UGT1A6: variants seen among roughly 807,000 people sequenced by gnomAD.
UGT1A6 encodes the protein UDP-glucuronosyltransferase 1A6.
UGT1A6 carries 32 observed loss-of-function variants against 44.4 expected under a neutral mutation model. The observed-to-expected ratio is 0.72, with a 90% confidence interval of 0.54 to 0.97. The LOEUF is 0.97. UGT1A6 is among the 50% of genes least tolerant of loss of function. The pLI is 0.00. For missense variants in UGT1A6, 685 were observed against 661.9 expected (o/e 1.03, Z -0.38); for synonymous variants, 238 against 248.5 (o/e 0.96, Z 0.40).
At chr2:233,700,616 G>A (rs998410920) in intron 1 of UGT1A6, among the ~76,000 whole-genome samples, 7 of 151,898 alleles carry the variant, frequency 4.6e-5, no homozygotes, top group Non-Finnish European at 8.8e-5. Flanking sequence ...TTTTGGGGGG[G>A]TTCCAGTAAG....
intron 1 of UGT1A6, among the ~76,000 whole-genome samples, chr2:233,717,359 G>A (rs1445197298): frequency 6.6e-6 from 1 of 152,216 alleles, no homozygotes; most frequent in Non-Finnish European, 1.5e-5. Flanking sequence ...CCCCTGGGGA[G>A]TTCTCAAGCC....
At chr2:233,719,800 G>A (rs528409094) in intron 1 of UGT1A6, 47 of 1,602,562 alleles carry the variant, frequency 2.9e-5, no homozygotes, top group South Asian at 6.7e-5. Flanking sequence ...TTTTATTTTG[G>A]CTTCTTTATA....
chr2:233,732,182 G>A (rs1190810291), intron 1 of UGT1A6, among the ~76,000 whole-genome samples: 1 of 152,108 alleles, frequency 6.6e-6, no homozygotes, highest in Non-Finnish European at 1.5e-5. Flanking sequence ...TGTAGATTCT[G>A]GATATTAGCC....
intron 1 of UGT1A6, chr2:233,743,554 A>G: frequency 7.3e-7 from 1 of 1,367,106 alleles, no homozygotes; most frequent in East Asian, 4.6e-5. Flanking sequence ...CCCCCAAAAT[A>G]TTCTCCAGCG....
chr2:233,765,010 C>G (rs940800648), intron 1 of UGT1A6, among the ~76,000 whole-genome samples: 10 of 152,056 alleles, frequency 6.6e-5, no homozygotes, highest in Non-Finnish European at 1.2e-4. Context: ...TGTTCCAAAT[C>G]AGGCTTGGCA....
rs1159047004 is a variant in UGT1A6, at chr2:233,755,329, C to T, written c.862-11705C>T. ...CAGCGAGCGGCAAGGCTGCCAGCAC[C>T]CGCGCACAGGTCAGAGGCTTGGCGA... On this transcript the variant is annotated intron_variant, in intron 1 of 4. Coordinates refer to ENST00000305139, the MANE Select transcript of UGT1A6 (RefSeq NM_001072.4). The T allele has an allele frequency of 1.7e-5, 8 of 468,526 alleles. No individual in the cohort carries two copies. The Admixed American group carries it at 2.8e-4, about 16-fold the overall frequency. 29.0% of individuals were successfully genotyped at this position (468,526 alleles called of 1,614,324 possible).
At position 233,769,882 on chromosome 2, in the gene UGT1A6, TC is replaced by T; in HGVS notation, c.1301+1445del. On this transcript the variant is annotated intron_variant, in intron 4 of 4. Transcript: ENST00000305139. This position sits in a 1 kb window ranked among gnomAD's most constrained non-coding sequence, Gnocchi z 4.4. The stretch of plus-strand genomic sequence containing the variant: ...CAAAAAAAAAAAAAAAAATGAAAAG[TC>T]CACATAACCTGAGCATCATGTGCCC... 1 of 408,610 alleles carries T rather than the reference TC, an allele frequency of 2.4e-6. No homozygotes were observed. Among genetic ancestry groups the T allele is most frequent in the Non-Finnish European group, 4.3e-6 (1 of 234,370 alleles). 25.3% of individuals were successfully genotyped at this position (408,610 alleles called of 1,614,324 possible).
intron 1 of UGT1A6, among the ~76,000 whole-genome samples, chr2:233,758,923 C>T (rs1697018666): frequency 6.6e-6 from 1 of 152,192 alleles, no homozygotes; most frequent in Non-Finnish European, 1.5e-5. Context: ...TCATCTTTCC[C>T]TTTTGACTTC....
chr2:233,760,594 G>T, intron 1 of UGT1A6: 1 of 1,614,198 alleles, frequency 6.2e-7, no homozygotes, highest in Non-Finnish European at 8.5e-7. Context: ...TTTTGAGAAT[G>T]ATTCTTTCCT....
chr2:233,717,717 G>A (rs1199377056), intron 1 of UGT1A6: 3 of 454,162 alleles, frequency 6.6e-6, no homozygotes, highest in Non-Finnish European at 1.3e-5. Flanking sequence ...AGCCTCATGG[G>A]CATGAGACCA....
At chr2:233,747,669 C>T in intron 1 of UGT1A6, 1 of 1,603,504 alleles carries the variant, frequency 6.2e-7, no homozygotes, top group South Asian at 1.1e-5. Flanking sequence ...TTTAATAGAC[C>T]CAATTTACCT....
Position 233,743,631 on chromosome 2 carries a change from G to T in UGT1A6, c.862-23403G>T, listed in dbSNP as rs1346320649. Reference sequence around the variant, plus strand: ...AAGAACTCCCTGAAGACGTCGGCTGGGTCGCGGAAGCTGAAGACGTACTCG... The same window carrying T: ...AAGAACTCCCTGAAGACGTCGGCTGTGTCGCGGAAGCTGAAGACGTACTCG... On this transcript the variant is annotated intron_variant, in intron 1 of 4. Transcript: ENST00000305139. The T allele has an allele frequency of 2.2e-6, 3 of 1,367,310 alleles. No homozygotes were observed. The East Asian group carries it at 1.4e-4, about 62-fold the overall frequency. 84.7% of individuals were successfully genotyped at this position (1,367,310 alleles called of 1,614,324 possible).
intron 1 of UGT1A6, chr2:233,719,680 T>C: frequency 1.2e-6 from 2 of 1,614,092 alleles, no homozygotes; most frequent in Non-Finnish European, 1.7e-6. Flanking sequence ...GGGAAGCCAC[T>C]ATCTCAGGTC....
chr2:233,692,059 G>A (rs2075075325), upstream of UGT1A6: 1 of 152,180 alleles, frequency 6.6e-6, no homozygotes, highest in Non-Finnish European at 1.5e-5. Context: ...CGATTAGAGG[G>A]AAGAAAGGAG....
At chr2:233,711,308 T>C (rs1455786140) in intron 1 of UGT1A6, among the ~76,000 whole-genome samples, 1 of 152,192 alleles carries the variant, frequency 6.6e-6, no homozygotes, top group Non-Finnish European at 1.5e-5. Flanking sequence ...TTAGATGACA[T>C]TGGTGTCTAA....
At chr2:233,749,248 AT>A (rs1216234192) in intron 1 of UGT1A6, among the ~76,000 whole-genome samples, 1 of 151,808 alleles carries the variant, frequency 6.6e-6, no homozygotes, top group Admixed American at 6.6e-5. Flanking sequence ...AAACCACATG[AT>A]TTTTTTATTG....
intron 1 of UGT1A6, among the ~76,000 whole-genome samples, chr2:233,711,058 A>G (rs1484955286): frequency 6.6e-6 from 1 of 152,152 alleles, no homozygotes; most frequent in African/African-American, 2.4e-5. Context: ...CATGGCTTCA[A>G]TCACCACTTA....
chr2:233,765,623 G>A (rs1698893578), intron 1 of UGT1A6, among the ~76,000 whole-genome samples: 1 of 151,662 alleles, frequency 6.6e-6, no homozygotes, highest in Admixed American at 6.6e-5. Flanking sequence ...AGGGGTGAGG[G>A]GAGGAACTTA....
intron 1 of UGT1A6, chr2:233,739,012 T>A (rs1690960444): frequency 6.6e-6 from 1 of 152,230 alleles, no homozygotes; most frequent in Admixed American, 6.5e-5. Context: ...TCCCAGTGGC[T>A]CCAGCCATGG....
Sources: allele counts gnomAD v4.1 joint callset (sites outside exome capture counted in the v4.1 genomes callset), GRCh38; gene constraint gnomAD v4.1.1; non-coding constraint Gnocchi (gnomAD v3.1); transcripts MANE v1.5; gene names NCBI Gene and HGNC (gene_info 2026-07-23, HGNC 2026-07-21).